SF1: variants seen among roughly 807,000 people sequenced by gnomAD.
SF1 encodes branch point-binding protein.
In SF1, 7 loss-of-function variants were observed where a neutral mutation model predicts 62.5. The ratio of observed to expected loss-of-function variants is 0.11; its 90% CI spans 0.06 to 0.21. The LOEUF (loss-of-function observed/expected upper bound fraction) is 0.21, where lower values mean the gene tolerates loss of function less well. SF1 is among the 10% of genes least tolerant of loss of function. SF1 has a pLI of 1.00. For synonymous variants in SF1, 394 were observed against 323.6 expected (o/e 1.22, Z -2.33); for missense variants, 578 against 884.0 (o/e 0.65, Z 4.39).
In SF1 at chr11:64,767,752, A is replaced by C. The variant is rs779247456; in HGVS notation, c.1161T>G (p.Pro387=). The change falls in exon 10 of 13, where the codon CCT becomes CCG. Residue 387 remains proline (P), a synonymous_variant. Transcript: ENST00000377390. ...RPYHGMHGGG[P]GGPGGGPHSF... ...TGTGGGGGCCACCTCCGGGCCCACCAGGACCACCTCCATGCATGCCGTGGT... is the reference window on the plus strand; with the variant it reads ...TGTGGGGGCCACCTCCGGGCCCACCCGGACCACCTCCATGCATGCCGTGGT... 3 of 1,613,258 alleles carry C rather than the reference A, an allele frequency of 1.9e-6. No individual in the cohort carries two copies. In the Admixed American group the frequency reaches 5.0e-5, roughly 27 times the overall value.
chr11:64,765,404 G>A lies in SF1; in HGVS notation c.*414C>T, dbSNP rs374326924. On this transcript the variant is annotated 3_prime_UTR_variant, in exon 13 of 13. Coordinates refer to ENST00000377390, the MANE Select transcript of SF1 (RefSeq NM_004630.4). ...CAAAAATAACTCAGGCTGCTTTGCC[G>A]AACCATCCTGTCCACCAGGGGCGTT... 5 of 1,384,460 alleles carry A rather than the reference G, an allele frequency of 3.6e-6. No individual in the cohort carries two copies. The highest frequency in any genetic ancestry group is 5.1e-6 in the Non-Finnish European group (5 of 973,636). The allele number at this position is 1,384,460 out of a possible 1,614,324, so 85.8% of individuals were successfully genotyped here.
intron 12 of SF1, 46 bp downstream of exon 12, chr11:64,766,854 C>A: frequency 1.5e-6 from 1 of 659,982 alleles, no homozygotes; most frequent in Non-Finnish European, 2.6e-6. Context: ...CTGTCAGCCC[C>A]ACCCCCATCC....
rs1177501134 is a variant in SF1, at chr11:64,767,863, T to G, written c.1069-19A>C. 3.7e-6 allele frequency: 6 copies of G among 1,603,878 alleles called. No homozygotes were observed. The highest frequency in any genetic ancestry group is 5.1e-6 in the Non-Finnish European group (6 of 1,176,970). Reference sequence around the variant, plus strand: ...TGAGAGACTACGTGAGAGCATTTCCTGCCAACGTCCCTGCCTGCGCCTCCT... The same window carrying G: ...TGAGAGACTACGTGAGAGCATTTCCGGCCAACGTCCCTGCCTGCGCCTCCT... On this transcript the variant is annotated intron_variant, in intron 9 of 12. Coordinates refer to ENST00000377390, the MANE Select transcript of SF1 (RefSeq NM_004630.4).
At position 64,765,880 on chromosome 11, in the gene SF1, C is replaced by T; in HGVS notation, c.1858G>A (p.Val620Met). ...ATCCCGAAGGGCGGCATGCCCGCCA[C>T]CCCCATGCCCATCATGGTGACAAAG... Reference protein sequence around the residue: ...SNFVTMMGMGVAGMPPFGMPP... With the variant: ...SNFVTMMGMGMAGMPPFGMPP... The change falls in exon 13 of 13, where the codon GTG becomes ATG. Residue 620 changes from valine (V) to methionine (M), a missense_variant. Val to Met is a conservative substitution (Grantham distance 21, BLOSUM62 1). Transcript: ENST00000377390. 1 of 1,564,202 alleles carries T rather than the reference C, an allele frequency of 6.4e-7. No homozygotes were observed. Among genetic ancestry groups the T allele is most frequent in the Non-Finnish European group, 8.7e-7 (1 of 1,154,678 alleles).
chr11:64,772,866 C>A, intron 3 of SF1: 1 of 985,242 alleles, frequency 1.0e-6, no homozygotes, highest in Non-Finnish European at 1.2e-6. Flanking sequence ...AATATTCTGG[C>A]CCCTCCCAAC....
intron 3 of SF1, chr11:64,771,733 A>C: frequency 1.0e-6 from 1 of 985,426 alleles, no homozygotes; most frequent in Middle Eastern, 5.2e-4. Context: ...AGTCTACAAG[A>C]AAAGTTTTAA....
chr11:64,778,039 T>G, intron 1 of SF1: 1 of 1,005,172 alleles, frequency 9.9e-7, no homozygotes, highest in Non-Finnish European at 1.2e-6. Flanking sequence ...GCGGCTGGGG[T>G]GGCGGCGGCT....
chr11:64,769,945 T>TA lies in SF1; in HGVS notation c.479+18dup. 3.8e-6 allele frequency: 6 copies of TA among 1,581,258 alleles called. No individual in the cohort carries two copies. The highest frequency in any genetic ancestry group is 5.2e-6 in the Non-Finnish European group (6 of 1,150,238). On this transcript the variant is annotated intron_variant, in intron 5 of 12. Coordinates refer to ENST00000377390, the MANE Select transcript of SF1 (RefSeq NM_004630.4). ...GGCTCTAAAGGAATTCTATATCCTA[T>TA]AGACCAGCAGTTACTCACCTGGGCC...
rs780664396 is a variant in SF1, at chr11:64,766,877, C to T, written c.1582+23G>A. On this transcript the variant is annotated intron_variant, in intron 12 of 12. Transcript: ENST00000377390. Reference sequence around the variant, plus strand: ...CCCACCCCCATCCCACCCACCCCCACAAGCCCAAAATATTCTACTCACTTT... The same window carrying T: ...CCCACCCCCATCCCACCCACCCCCATAAGCCCAAAATATTCTACTCACTTT... 17 of 1,375,252 alleles carry T rather than the reference C, an allele frequency of 1.2e-5. No individual in the cohort carries two copies. In the East Asian group the frequency reaches 4.5e-4, roughly 36 times the overall value. The allele number at this position is 1,375,252 out of a possible 1,614,324, so 85.2% of individuals were successfully genotyped here.
chr11:64,772,247 C>G, intron 3 of SF1: 5 of 984,698 alleles, frequency 5.1e-6, no homozygotes, highest in Non-Finnish European at 6.0e-6. Context: ...GACTGGTGAC[C>G]TGTAGACATA....
rs1261795180 is a variant in SF1 at position 64,769,432 on chromosome 11, C to A, written c.657G>T (p.Val219=). The change falls in exon 6 of 13, where the codon GTG becomes GTT. Residue 219 remains valine, a synonymous_variant. Coordinates refer to ENST00000377390, the MANE Select transcript of SF1 (RefSeq NM_004630.4). ...ANTMENVKKA[V]EQIRNILKQG... is the part of the protein sequence containing the mutation. Reference sequence around the variant, plus strand: ...TTCTGGGCTCACCGCTCACCTGTTCCACTGCCTTTTTGACGTTCTCCATTG... The same window carrying A: ...TTCTGGGCTCACCGCTCACCTGTTCAACTGCCTTTTTGACGTTCTCCATTG... 1 of 1,614,074 alleles carries A rather than the reference C, an allele frequency of 6.2e-7. No homozygotes were observed. The highest frequency in any genetic ancestry group is 2.2e-5 in the East Asian group (1 of 44,894).
rs1341982470 is a variant in SF1 at position 64,767,745 on chromosome 11, G to T, written c.1168C>A (p.Pro390Thr). 1 of 1,613,064 alleles carries T rather than the reference G, an allele frequency of 6.2e-7. No individual in the cohort carries two copies. Among genetic ancestry groups the T allele is most frequent in the Non-Finnish European group, 8.5e-7 (1 of 1,179,592 alleles). Reference protein sequence around the residue: ...HGMHGGGPGGPGGGPHSFPHP... With the variant: ...HGMHGGGPGGTGGGPHSFPHP... The stretch of plus-strand genomic sequence containing the variant: ...GGGAAGCTGTGGGGGCCACCTCCGG[G>T]CCCACCAGGACCACCTCCATGCATG... The change falls in exon 10 of 13, where the codon CCC (proline) becomes ACC (threonine). Residue 390 changes from proline to threonine, a missense_variant. Transcript: ENST00000377390.
intron 1 of SF1, chr11:64,777,863 C>A (rs1939599826): frequency 3.2e-6 from 3 of 936,426 alleles, no homozygotes; most frequent in Non-Finnish European, 1.3e-6. Context: ...CGCCTCCGCC[C>A]GGGCCTCCCC....
intron 1 of SF1, chr11:64,778,087 G>A (rs917669023): frequency 2.3e-4 from 215 of 942,856 alleles, no homozygotes; most frequent in Non-Finnish European, 2.6e-4. Context: ...GCGGCGGAGG[G>A]GGCGGCTGCG....
At chr11:64,772,718 C>G (rs1938530705) in intron 3 of SF1, 4 of 985,310 alleles carry the variant, frequency 4.1e-6, no homozygotes, top group Non-Finnish European at 4.8e-6. Context: ...TCATCTCCCC[C>G]ACACAATTTA....
intron 3 of SF1, chr11:64,772,630 G>C: frequency 1.0e-6 from 1 of 985,012 alleles, no homozygotes. Context: ...CAGTGAGAGG[G>C]AGAGACTTAC....
intron 8 of SF1, among the ~76,000 whole-genome samples, chr11:64,768,584 CCA>C (rs891426385): frequency 1.3e-5 from 2 of 152,220 alleles, no homozygotes; most frequent in African/African-American, 4.8e-5. Context: ...AACTTCATTC[CCA>C]GTTTGAGGAA....
chr11:64,773,454 C>T lies in SF1; in HGVS notation c.212G>A (p.Gly71Asp). Reference protein sequence around the residue: ...LTRKLRTGDLGIPPNPEDRSP... With the variant: ...LTRKLRTGDLDIPPNPEDRSP... ...CCTGTCCTCAGGGTTAGGGGGGATG[C>T]CCAGGTCTCCTGTGCGCAGTTTACG... The change falls in exon 3 of 13, where the codon GGC (glycine) becomes GAC (aspartate). Residue 71 changes from glycine to aspartate, a missense_variant. Coordinates refer to ENST00000377390, the MANE Select transcript of SF1 (RefSeq NM_004630.4). 6.2e-7 allele frequency: 1 copy of T among 1,613,658 alleles called. No homozygotes were observed. Among genetic ancestry groups the T allele is most frequent in the Non-Finnish European group, 8.5e-7 (1 of 1,179,854 alleles).
At chr11:64,771,816 T>A in intron 3 of SF1, 1 of 985,392 alleles carries the variant, frequency 1.0e-6, no homozygotes, top group Non-Finnish European at 1.2e-6. Context: ...AACACCTTTT[T>A]AAGAAATTAT....
Sources: allele counts gnomAD v4.1 joint callset (sites outside exome capture counted in the v4.1 genomes callset), GRCh38; gene constraint gnomAD v4.1.1; transcripts MANE v1.5; gene names NCBI Gene and HGNC (gene_info 2026-07-23, HGNC 2026-07-21).